COL4A5: variants seen among roughly 807,000 people sequenced by gnomAD.
COL4A5 encodes collagen type IV alpha 5 chain, also known as collagen alpha-5(IV) chain.
A neutral mutation model predicts 130.2 loss-of-function variants in COL4A5; 26 were observed. The ratio of observed to expected loss-of-function variants is 0.20; its 90% CI spans 0.15 to 0.28. The LOEUF (loss-of-function observed/expected upper bound fraction) is 0.28, where lower values mean the gene tolerates loss of function less well. Among genes scored for constraint, COL4A5 ranks in the 10% least tolerant of loss-of-function variants. The pLI is 1.00. For missense variants in COL4A5, 1,131 were observed against 1,344.3 expected, an observed-to-expected ratio of 0.84 and a Z score of 2.48; for synonymous variants, 496 against 439.6, an observed-to-expected ratio of 1.13 and a Z score of -1.60.
chrX:108,491,703 A>G (rs1379558933), intron 1 of COL4A5, among the ~76,000 whole-genome samples: 1 of 111,441 alleles, frequency 9.0e-6, no homozygotes, highest in Non-Finnish European at 1.9e-5. Flanking sequence ...AACAGTCTAC[A>G]TTTCACTGTA....
chrX:108,553,040 A>G (rs1332822539), intron 2 of COL4A5, among the ~76,000 whole-genome samples: 1 of 111,835 alleles, frequency 8.9e-6, no homozygotes, highest in Non-Finnish European at 1.9e-5. Context: ...AGGGTTGCAT[A>G]TGCGTATGCA....
intron 1 of COL4A5, among the ~76,000 whole-genome samples, chrX:108,506,470 C>T (rs1345458347): frequency 9.0e-6 from 1 of 110,622 alleles, no homozygotes; most frequent in Non-Finnish European, 1.9e-5. Context: ...TTTCCACATA[C>T]TCAGGGGATG....
intron 10 of COL4A5, 53 bp downstream of exon 10, chrX:108,576,025 C>A: frequency 2.8e-6 from 2 of 715,468 alleles, no homozygotes; most frequent in East Asian, 3.5e-5. Flanking sequence ...TGACTTCTTT[C>A]AGGAATATTA....
intron 2 of COL4A5, among the ~76,000 whole-genome samples, chrX:108,543,282 G>T (rs1394216267): frequency 8.1e-5 from 9 of 111,664 alleles, no homozygotes; most frequent in Non-Finnish European, 1.7e-4. Flanking sequence ...ATAAATTTTT[G>T]TATAAGGTGT....
At chrX:108,680,371 A>T (rs762394847) in intron 44 of COL4A5, among the ~76,000 whole-genome samples, 1 of 111,665 alleles carries the variant, frequency 9.0e-6, no homozygotes, top group Admixed American at 9.6e-5. Context: ...TAGCCATGGG[A>T]AGTTCATTTT....
chrX:108,672,536 G>C (rs2068225278), intron 42 of COL4A5, among the ~76,000 whole-genome samples: 3 of 111,654 alleles, frequency 2.7e-5, no homozygotes, highest in Admixed American at 9.6e-5. Context: ...TATACCTTTA[G>C]TAATTACTAC....
intron 1 of COL4A5, among the ~76,000 whole-genome samples, chrX:108,539,035 G>A (rs187287976): frequency 1.8e-5 from 2 of 111,534 alleles, no homozygotes; most frequent in Admixed American, 9.6e-5. Flanking sequence ...AAGAAAGGTG[G>A]TAAAAGATAG....
intron 51 of COL4A5, 114 bp from the exon 52 acceptor site, chrX:108,695,151 TGG>T: frequency 2.1e-6 from 2 of 947,371 alleles, no homozygotes; most frequent in Non-Finnish European, 3.0e-6. Flanking sequence ...GTCTTACCTC[TGG>T]GCCTGTTCCT....
At chrX:108,506,143 T>C (rs2065121540) in intron 1 of COL4A5, among the ~76,000 whole-genome samples, 1 of 111,819 alleles carries the variant, frequency 8.9e-6, no homozygotes, top group Non-Finnish European at 1.9e-5. Context: ...TTAAAAGCTT[T>C]CTTATTACCT....
In COL4A5 at chrX:108,619,328, G is replaced by A. The variant is rs144670771; in HGVS notation, c.2510-931G>A. On this transcript the variant is annotated intron_variant, in intron 30 of 52. Transcript: ENST00000328300. The stretch of plus-strand genomic sequence containing the variant: ...AGATCTTATTGTTGAAAGGAGACTT[G>A]GAATGATCATCTGGCTCAACCCCTA... 4.1e-3 allele frequency among the ~76,000 whole-genome samples: 459 copies of A among 111,626 alleles called. 2 individuals carry two copies. The highest frequency in any genetic ancestry group is 0.014 in the African/African-American group (439 of 30,751).
At chrX:108,557,723 C>T (rs1206837649) in intron 2 of COL4A5, among the ~76,000 whole-genome samples, 1 of 110,643 alleles carries the variant, frequency 9.0e-6, no homozygotes, top group East Asian at 2.8e-4. Context: ...TCAATGGCCC[C>T]TTAGTCAGCC....
Position 108,638,950 on chromosome X carries a change from A to T in COL4A5, c.3246+12601A>T, listed in dbSNP as rs1173976912. Among the ~76,000 whole-genome samples the T allele has an allele frequency of 5.4e-5, 6 of 111,811 alleles. No homozygotes were observed. The Admixed American group carries it at 5.7e-4, about 11-fold the overall frequency. ...AAGACAGAAATAAATGGAAGATTTA[A>T]TACTGTTAAAATGTCCATACTACCC... On this transcript the variant is annotated intron_variant, in intron 36 of 52. Transcript: ENST00000328300.
chrX:108,456,448 G>A (rs2064585507), intron 1 of COL4A5, among the ~76,000 whole-genome samples: 1 of 111,710 alleles, frequency 9.0e-6, no homozygotes, highest in South Asian at 3.7e-4. Context: ...TTATTCATTA[G>A]TTCTAGTAGT....
chrX:108,529,541 G>A (rs1196865706), intron 1 of COL4A5, among the ~76,000 whole-genome samples: 1 of 110,956 alleles, frequency 9.0e-6, no homozygotes, highest in East Asian at 2.8e-4. Flanking sequence ...CAGAAACAGA[G>A]CTTCACATAT....
chrX:108,632,865 C>T (rs1199314978), intron 36 of COL4A5, among the ~76,000 whole-genome samples: 3 of 111,543 alleles, frequency 2.7e-5, no homozygotes, highest in Non-Finnish European at 5.6e-5. Flanking sequence ...AAACCCACAG[C>T]CAGTATCATA....
intron 29 of COL4A5, among the ~76,000 whole-genome samples, chrX:108,611,270 G>GA (rs1569496536): frequency 2.7e-5 from 3 of 110,866 alleles, no homozygotes; most frequent in African/African-American, 9.8e-5. Flanking sequence ...ATACAAAAGA[G>GA]AAAAAAAGAT....
At chrX:108,623,630 T>A (rs2147867895) in intron 33 of COL4A5, among the ~76,000 whole-genome samples, 1 of 111,962 alleles carries the variant, frequency 8.9e-6, no homozygotes, top group Non-Finnish European at 1.9e-5. Flanking sequence ...TGGCTCTTTG[T>A]ACGTTCTATC....
In COL4A5 at chrX:108,696,739, C is replaced by T. The variant is rs1055019004; in HGVS notation, c.*361C>T. On this transcript the variant is annotated 3_prime_UTR_variant, in exon 53 of 53. Coordinates refer to ENST00000328300, the MANE Select transcript of COL4A5 (RefSeq NM_033380.3). ...TCACATTGAGTAAAATAAAAGACTGCAGTTTGTGGGAAGAATTATTTTTCA... is the reference window on the plus strand; with the variant it reads ...TCACATTGAGTAAAATAAAAGACTGTAGTTTGTGGGAAGAATTATTTTTCA... 5 of 128,574 alleles carry T rather than the reference C, an allele frequency of 3.9e-5. No homozygotes were observed. Among genetic ancestry groups the T allele is most frequent in the African/African-American group, 1.6e-4 (5 of 30,995 alleles). 10.6% of individuals were successfully genotyped at this position (128,574 alleles called of 1,213,427 possible).
Position 108,499,990 on chromosome X carries a change from A to G in COL4A5, c.82-39756A>G, listed in dbSNP as rs1224433136. Among the ~76,000 whole-genome samples the G allele has an allele frequency of 3.6e-5, 4 of 111,919 alleles. No homozygotes were observed. In the Admixed American group the frequency reaches 3.8e-4, roughly 11 times the overall value. On this transcript the variant is annotated intron_variant, in intron 1 of 52. Transcript: ENST00000328300. ...ACTGATGGACTCTAGAATTAGATAT[A>G]TCAGTACATTAACAGAGTTTAACTT...
Sources: allele counts gnomAD v4.1 joint callset (sites outside exome capture counted in the v4.1 genomes callset), GRCh38; gene constraint gnomAD v4.1.1; transcripts MANE v1.5; gene names NCBI Gene and HGNC (gene_info 2026-07-23, HGNC 2026-07-21).